CHMP4C: variants seen among roughly 807,000 people sequenced by gnomAD.
CHMP4C encodes charged multivesicular body protein 4C.
A neutral mutation model predicts 29.0 loss-of-function variants in CHMP4C; 28 were observed. The observed-to-expected ratio is 0.97, with a 90% CI of 0.72 to 1.32. The LOEUF (loss-of-function observed/expected upper bound fraction) is 1.32. CHMP4C is among the 40% of genes most tolerant of loss of function. CHMP4C has a pLI of 0.00. For missense variants in CHMP4C, 291 were observed against 281.0 expected, an observed-to-expected ratio of 1.04 and a Z score of -0.25; for synonymous variants, 106 against 102.4, an observed-to-expected ratio of 1.04 and a Z score of -0.21.
Position 81,741,774 on chromosome 8 carries a change from A to G in CHMP4C, c.190+8958A>G, listed in dbSNP as rs187454315. Among the ~76,000 whole-genome samples, 11 of 152,294 alleles carry G rather than the reference A, an allele frequency of 7.2e-5. No homozygotes were observed. The East Asian group carries it at 2.1e-3, about 29-fold the overall frequency. On this transcript the variant is annotated intron_variant, in intron 1 of 4. Coordinates refer to ENST00000297265, the MANE Select transcript of CHMP4C (RefSeq NM_152284.4). ...TGCCACAGTCTCATCTGCTTTAGTA[A>G]ACTTAACTAGTTTCATACTTTTCAT...
intron 1 of CHMP4C, among the ~76,000 whole-genome samples, chr8:81,738,686 C>T (rs377379402): frequency 5.3e-5 from 8 of 152,268 alleles, no homozygotes; most frequent in African/African-American, 9.6e-5. Context: ...TCAGGTAAAA[C>T]GACACAGCCA....
rs765979718 is a variant in CHMP4C, at chr8:81,753,246, G to C, written c.368+5G>C. ...GAAATCTGTTCATGAAAACATGTGA[G>C]TGACTCTGGTCTCCCTCTGAATCAT... On this transcript the variant is annotated splice_donor_5th_base_variant and intron_variant, in intron 2 of 4. Coordinates refer to ENST00000297265, the MANE Select transcript of CHMP4C (RefSeq NM_152284.4). 1 of 1,503,008 alleles carries C rather than the reference G, an allele frequency of 6.7e-7. No individual in the cohort carries two copies. The highest frequency in any genetic ancestry group is 2.3e-5 in the East Asian group (1 of 44,360). The allele number at this position is 1,503,008 out of a possible 1,614,324, so 93.1% of individuals were successfully genotyped here. A position where few individuals can be genotyped will look rare whatever the true frequency, so the allele number is the denominator to read the frequency against.
intron 3 of CHMP4C, among the ~76,000 whole-genome samples, chr8:81,757,431 G>A (rs1266953016): frequency 1.3e-5 from 2 of 152,116 alleles, no homozygotes; most frequent in Admixed American, 6.6e-5. Context: ...TCTACTTCAG[G>A]ACTTATGGAG....
chr8:81,745,045 A>G (rs1808805200), intron 1 of CHMP4C, among the ~76,000 whole-genome samples: 1 of 152,178 alleles, frequency 6.6e-6, no homozygotes, highest in African/African-American at 2.4e-5. Context: ...GGAAATGTCT[A>G]TGATGATGCT....
chr8:81,750,387 G>A (rs903594563), intron 1 of CHMP4C, among the ~76,000 whole-genome samples: 7 of 151,782 alleles, frequency 4.6e-5, no homozygotes, highest in Admixed American at 4.6e-4. Context: ...GATTGCTTGA[G>A]GCCAGGAATT....
intron 1 of CHMP4C, among the ~76,000 whole-genome samples, chr8:81,742,517 A>T (rs938952980): frequency 2.0e-5 from 3 of 152,222 alleles, no homozygotes; most frequent in Non-Finnish European, 4.4e-5. Flanking sequence ...AACATTTAAG[A>T]AGTACTTTGG....
chr8:81,750,668 C>T (rs1231787760), intron 1 of CHMP4C, among the ~76,000 whole-genome samples: 3 of 151,498 alleles, frequency 2.0e-5, no homozygotes, highest in Non-Finnish European at 4.4e-5. Flanking sequence ...ATAGGCATTT[C>T]AAAAGAGAGA....
At chr8:81,752,883 G>A (rs999958096) in intron 1 of CHMP4C, among the ~76,000 whole-genome samples, 181 bp from the exon 2 acceptor site, 1 of 152,066 alleles carries the variant, frequency 6.6e-6, no homozygotes. Flanking sequence ...TGTTGGAGAC[G>A]GTACTAGTTG....
chr8:81,736,376 G>T (rs1808691344), intron 1 of CHMP4C, among the ~76,000 whole-genome samples: 1 of 151,780 alleles, frequency 6.6e-6, no homozygotes, highest in Non-Finnish European at 1.5e-5. Flanking sequence ...GCCCAGGCTG[G>T]TCTCAAACTC....
chr8:81,735,968 C>G (rs1225030196), intron 1 of CHMP4C, among the ~76,000 whole-genome samples: 1 of 151,900 alleles, frequency 6.6e-6, no homozygotes, highest in Non-Finnish European at 1.5e-5. Flanking sequence ...TGTCTGTAAT[C>G]CCAGCTACTT....
chr8:81,733,045 A>G, intron 1 of CHMP4C: 2 of 405,420 alleles, frequency 4.9e-6, no homozygotes, highest in Non-Finnish European at 8.8e-6. Context: ...CAAGATGAAC[A>G]ATACTTTAAT....
intron 1 of CHMP4C, among the ~76,000 whole-genome samples, chr8:81,749,803 A>G (rs1349037362): frequency 2.0e-5 from 3 of 152,192 alleles, no homozygotes; most frequent in Non-Finnish European, 2.9e-5. Flanking sequence ...ATTCACATGT[A>G]AGGCTATGTG....
chr8:81,753,110 C>T lies in CHMP4C; in HGVS notation c.237C>T (p.Leu79=). Residue 79 remains leucine, a synonymous_variant, in exon 2 of 5, where the codon CTC becomes CTT. Coordinates refer to ENST00000297265, the MANE Select transcript of CHMP4C (RefSeq NM_152284.4). ...GAAAGAAGAGGTTCGAGAAACAGCTCACTCAGATTGATGGCACACTTTCTA... is the reference window on the plus strand; with the variant it reads ...GAAAGAAGAGGTTCGAGAAACAGCTTACTCAGATTGATGGCACACTTTCTA... ...LKRKKRFEKQ[L]TQIDGTLSTI... The T allele has an allele frequency of 6.2e-7, 1 of 1,612,606 alleles. No individual in the cohort carries two copies. Among genetic ancestry groups the T allele is most frequent in the Non-Finnish European group, 8.5e-7 (1 of 1,179,152 alleles).
chr8:81,754,045 A>G (rs1258600269), intron 2 of CHMP4C, among the ~76,000 whole-genome samples: 3 of 152,118 alleles, frequency 2.0e-5, no homozygotes, highest in African/African-American at 4.8e-5. Flanking sequence ...CACAAGAGCA[A>G]TGAGTGCCTA....
At chr8:81,758,403 A>G in intron 4 of CHMP4C, 77 bp from the exon 5 acceptor site, 2 of 1,535,374 alleles carry the variant, frequency 1.3e-6, no homozygotes, top group East Asian at 2.2e-5. Flanking sequence ...ACATTTTTAT[A>G]TGTAATTCAT....
chr8:81,749,501 C>G (rs1407569976), intron 1 of CHMP4C, among the ~76,000 whole-genome samples: 6 of 152,098 alleles, frequency 3.9e-5, no homozygotes, highest in Non-Finnish European at 5.9e-5. Context: ...TATAATTAGG[C>G]ATAGGAGAGG....
rs137960856 is a variant in CHMP4C, at chr8:81,753,241, TGTGA to T, written c.368+5_368+8del. On this transcript the variant is annotated splice_donor_variant and splice_donor_region_variant and intron_variant, in intron 2 of 4. Transcript: ENST00000297265. LOFTEE classifies it high-confidence loss of function. ...GCGATGAAATCTGTTCATGAAAACA[TGTGA>T]GTGACTCTGGTCTCCCTCTGAATCA... The T allele has an allele frequency of 0.064, 102,249 of 1,597,096 alleles. 3,545 individuals carry two copies. The highest frequency in any genetic ancestry group is 0.11 in the Middle Eastern group (630 of 5,988).
intron 1 of CHMP4C, among the ~76,000 whole-genome samples, chr8:81,734,188 C>T (rs1190587390): frequency 6.6e-6 from 1 of 152,184 alleles, no homozygotes; most frequent in African/African-American, 2.4e-5. Context: ...TGTTGTTGGT[C>T]ATTTTGCTCC....
chr8:81,749,906 G>A (rs1289821846), intron 1 of CHMP4C, among the ~76,000 whole-genome samples: 1 of 152,190 alleles, frequency 6.6e-6, no homozygotes, highest in South Asian at 2.1e-4. Context: ...GAGACTGGAG[G>A]CATTTTGCCC....
Sources: gnomAD v4.1 joint callset for allele counts (sites outside exome capture counted in the v4.1 genomes callset) on GRCh38, gnomAD v4.1.1 for gene constraint, MANE v1.5 for transcripts, NCBI Gene and HGNC (gene_info 2026-07-23, HGNC 2026-07-21) for gene names.